The following BCCIP variants were observed in gnomAD, a reference collection of about 807,000 sequenced individuals.
The protein encoded by BCCIP is BRCA2 and CDKN1A-interacting protein.
In BCCIP, 23 loss-of-function variants were observed where a neutral mutation model predicts 32.8. The observed-to-expected ratio is 0.70, with a 90% CI of 0.51 to 0.99. BCCIP has a LOEUF of 0.99. Among genes scored for constraint, BCCIP ranks in the 50% least tolerant of loss-of-function variants. The probability of loss-of-function intolerance (pLI) is 0.00; values close to 1 mark genes in which losing one functional copy is unlikely to be tolerated. For synonymous variants in BCCIP, 144 were observed against 137.6 expected, an observed-to-expected ratio of 1.05 and a Z score of -0.33; for missense variants, 378 against 379.8, an observed-to-expected ratio of 1.00 and a Z score of 0.04.
chr10:125,852,535 A>G (rs1944104448), intron 7 of BCCIP: 1 of 1,613,192 alleles, frequency 6.2e-7, no homozygotes. Flanking sequence ...TTGTGTCCAC[A>G]GCACTACCTG....
downstream of BCCIP, among the ~76,000 whole-genome samples, chr10:125,845,792 T>C (rs1944009304): frequency 6.6e-6 from 1 of 152,226 alleles, no homozygotes; most frequent in African/African-American, 2.4e-5. Context: ...GTAATGGCAG[T>C]ATCCCCACTG....
intron 2 of BCCIP, 110 bp downstream of exon 2, chr10:125,826,775 G>A (rs1040976158): frequency 5.6e-5 from 82 of 1,476,108 alleles, no homozygotes; most frequent in Middle Eastern, 2.5e-4. Flanking sequence ...CGAGGTGAGA[G>A]GATTGCTTGA....
downstream of BCCIP, among the ~76,000 whole-genome samples, chr10:125,844,108 A>G (rs537476853): frequency 2.6e-5 from 4 of 152,270 alleles, no homozygotes; most frequent in Non-Finnish European, 5.9e-5. Context: ...AGAAATCACA[A>G]TCATGGGAAA....
Position 125,831,428 on chromosome 10 carries a change from G to A in BCCIP, c.420G>A (p.Gln140=). The change falls in exon 5 of 7, where the codon CAG becomes CAA. Residue 140 remains glutamine, a synonymous_variant. Transcript: ENST00000278100. ...TTCTCTTTGCTTTCTAGGGTACCCA[G>A]TGTGTTGAACAAATTCAAGAGTTGG... The part of the protein sequence containing the change: ...LLNLTERKGT[Q]CVEQIQELVL... The A allele has an allele frequency of 6.2e-7, 1 of 1,613,644 alleles. No individual in the cohort carries two copies. The highest frequency in any genetic ancestry group is 8.5e-7 in the Non-Finnish European group (1 of 1,179,620).
rs558654554 is a variant in BCCIP, at chr10:125,836,441, T to G, written c.*167T>G. On this transcript the variant is annotated 3_prime_UTR_variant, in exon 7 of 7. Coordinates refer to ENST00000278100, the MANE Select transcript of BCCIP (RefSeq NM_078468.3). ...TTTACAAAATACCAGTTTTTTAAAA[T>G]TTTGGTCAAATTATGAGTGGTTGAT... The G allele has an allele frequency of 4.3e-5, 62 of 1,434,464 alleles. No homozygotes were observed. In the African/African-American group the frequency reaches 8.2e-4, roughly 19 times the overall value. 88.9% of individuals were successfully genotyped at this position (1,434,464 alleles called of 1,614,324 possible). A position where few individuals can be genotyped will look rare whatever the true frequency, so the allele number is the denominator to read the frequency against.
rs1159129798 is a variant in BCCIP, at chr10:125,832,802, CTTTTTTTTTTTCTTTTT to C, written c.600-961_600-945del. 2.7e-5 allele frequency among the ~76,000 whole-genome samples: 3 copies of C among 109,292 alleles called. No individual in the cohort carries two copies. The East Asian group carries it at 6.6e-4, about 24-fold the overall frequency. The allele number at this position is 109,292 out of a possible 152,430, so 71.7% of individuals were successfully genotyped here. On this transcript the variant is annotated intron_variant, in intron 5 of 6. Coordinates refer to ENST00000278100, the MANE Select transcript of BCCIP (RefSeq NM_078468.3). Reference sequence around the variant, plus strand: ...CCTGGGCAAAATTACAAGACCCTATCTTTTTTTTTTTCTTTTTTTTTTTTTGAAAAGGCCAGGTGTGG... The same window carrying C: ...CCTGGGCAAAATTACAAGACCCTATCTTTTTTTTGAAAAGGCCAGGTGTGG...
chr10:125,836,964 G>A (rs755612965), downstream of BCCIP: 33 of 916,702 alleles, frequency 3.6e-5, no homozygotes, highest in Admixed American at 2.6e-4. Context: ...CTGTAGAACC[G>A]GTATTTAATT....
intron 7 of BCCIP, chr10:125,852,756 A>G: frequency 1.1e-6 from 1 of 914,180 alleles, no homozygotes; most frequent in Non-Finnish European, 1.6e-6. Context: ...GCACTGCCAC[A>G]GACTCATTTT....
chr10:125,836,249 A>T lies in BCCIP; in HGVS notation c.920A>T (p.Lys307Ile), dbSNP rs778339284. The stretch of plus-strand genomic sequence containing the variant: ...GACAAGATGAACGAAATCATGGATA[A>T]ACTGAAAGAATATCTATCTGTCTAA... ...PGDKMNEIMD[K>I]LKEYLSV is the part of the protein sequence containing the mutation. Residue 307 changes from lysine to isoleucine, a missense_variant, in exon 7 of 7, where the codon AAA becomes ATA. By Grantham distance (102) the Lys-to-Ile change is moderately radical. Coordinates refer to ENST00000278100, the MANE Select transcript of BCCIP (RefSeq NM_078468.3). 6.2e-7 allele frequency: 1 copy of T among 1,614,226 alleles called. No individual in the cohort carries two copies. Among genetic ancestry groups the T allele is most frequent in the Admixed American group, 1.7e-5 (1 of 60,032 alleles).
chr10:125,846,293 G>A (rs1337559024), downstream of BCCIP, among the ~76,000 whole-genome samples: 1 of 152,136 alleles, frequency 6.6e-6, no homozygotes, highest in East Asian at 1.9e-4. Flanking sequence ...ACAAGAGTTG[G>A]CACTGTAGTT....
chr10:125,841,339 G>C (rs1854874022), downstream of BCCIP: 1 of 1,614,106 alleles, frequency 6.2e-7, no homozygotes. Flanking sequence ...TGGTTGGTCT[G>C]TTCCCCCAGT....
At chr10:125,836,030 C>A in intron 6 of BCCIP, 74 bp from the exon 7 acceptor site, 1 of 1,330,004 alleles carries the variant, frequency 7.5e-7, no homozygotes, top group Non-Finnish European at 1.1e-6. Flanking sequence ...ACGTAATATT[C>A]TTTGCCGTAG....
chr10:125,850,607 G>A (rs983254293), intron 7 of BCCIP, among the ~76,000 whole-genome samples: 2 of 151,888 alleles, frequency 1.3e-5, no homozygotes, highest in Non-Finnish European at 2.9e-5. Flanking sequence ...CACCCACCTC[G>A]GCCTCCCAAA....
chr10:125,834,834 A>AAC (rs574913331), intron 6 of BCCIP, among the ~76,000 whole-genome samples: 11 of 148,216 alleles, frequency 7.4e-5, no homozygotes, highest in Non-Finnish European at 1.6e-4. Context: ...ACAAACAAAA[A>AAC]ACACAAAAAC....
rs1159150838 is a variant in BCCIP, at chr10:125,831,355, C to T, written c.412-65C>T. On this transcript the variant is annotated intron_variant, in intron 4 of 6. Coordinates refer to ENST00000278100, the MANE Select transcript of BCCIP (RefSeq NM_078468.3). ...GTAAGATGAAAAGTGATAGCTTTTA[C>T]TCTCAGGTTTTGTCCTCTATGTGAT... 8.7e-6 allele frequency: 13 copies of T among 1,486,854 alleles called. No homozygotes were observed. The African/African-American group carries it at 1.5e-4, about 18-fold the overall frequency. The allele number at this position is 1,486,854 out of a possible 1,614,324, so 92.1% of individuals were successfully genotyped here. A position where few individuals can be genotyped will look rare whatever the true frequency, so the allele number is the denominator to read the frequency against.
chr10:125,834,866 C>T (rs569574733), intron 6 of BCCIP, among the ~76,000 whole-genome samples: 1 of 151,114 alleles, frequency 6.6e-6, no homozygotes, highest in Admixed American at 6.6e-5. Flanking sequence ...GGCACGGTGG[C>T]TCACGCCTGT....
intron 1 of BCCIP, chr10:125,825,379 T>C (rs996706492): frequency 2.0e-5 from 3 of 152,252 alleles, no homozygotes; most frequent in Non-Finnish European, 1.5e-5. Context: ...ATTTACAGAA[T>C]GTATTTATAT....
intron 6 of BCCIP, among the ~76,000 whole-genome samples, chr10:125,835,658 A>C (rs556505753): frequency 1.1e-4 from 17 of 152,120 alleles, no homozygotes; most frequent in Non-Finnish European, 2.4e-4. Flanking sequence ...GGGAGTGTGT[A>C]TGGGTGTTTT....
intron 3 of BCCIP, 123 bp downstream of exon 3, chr10:125,827,761 G>A: frequency 2.9e-6 from 2 of 684,732 alleles, no homozygotes; most frequent in Non-Finnish European, 5.0e-6. Flanking sequence ...CTTGAGGCCA[G>A]GAGTTCAAGA....
Sources: allele counts gnomAD v4.1 joint callset (sites outside exome capture counted in the v4.1 genomes callset), GRCh38; gene constraint gnomAD v4.1.1; transcripts MANE v1.5; gene names NCBI Gene and HGNC (gene_info 2026-07-23, HGNC 2026-07-21).